The following ZNRF2 variants were observed in gnomAD, a reference collection of about 807,000 sequenced individuals.
ZNRF2 encodes zinc and ring finger 2, also known as E3 ubiquitin-protein ligase ZNRF2.
In ZNRF2, 16 loss-of-function variants were observed where a neutral mutation model predicts 20.4. That is an observed-to-expected ratio of 0.79 (90% CI 0.53 to 1.19). ZNRF2 has a LOEUF of 1.19. Among genes scored for constraint, ZNRF2 ranks in the 50% most tolerant of loss-of-function variants. The pLI is 0.00. For missense variants in ZNRF2, 363 were observed against 332.4 expected, an observed-to-expected ratio of 1.09 and a Z score of -0.72; for synonymous variants, 178 against 144.9, an observed-to-expected ratio of 1.23 and a Z score of -1.64.
At chr7:30,362,851 C>G (rs1360115587) in intron 4 of ZNRF2, among the ~76,000 whole-genome samples, 1 of 152,172 alleles carries the variant, frequency 6.6e-6, no homozygotes, top group Admixed American at 6.5e-5. Flanking sequence ...GGCATGGTGG[C>G]TCACACCTGT....
At chr7:30,362,219 A>G (rs912003922) in intron 3 of ZNRF2, among the ~76,000 whole-genome samples, 158 bp from the exon 4 acceptor site, 3 of 152,216 alleles carry the variant, frequency 2.0e-5, no homozygotes, top group African/African-American at 7.2e-5. Flanking sequence ...AAAATATAAT[A>G]AACATTCTTA....
chr7:30,362,227 T>G (rs994011001), intron 3 of ZNRF2, 150 bp from the exon 4 acceptor site: 4 of 463,610 alleles, frequency 8.6e-6, no homozygotes, highest in East Asian at 6.6e-5. Flanking sequence ...ATAAACATTC[T>G]TATCTGTTGC....
In ZNRF2 at chr7:30,305,216, G is replaced by A. The variant is rs141725535; in HGVS notation, c.470-18426G>A. Among the ~76,000 whole-genome samples, 46 of 152,178 alleles carry A rather than the reference G, an allele frequency of 3.0e-4. 1 individual carries two copies. The highest frequency in any genetic ancestry group is 9.4e-4 in the African/African-American group (39 of 41,522). On this transcript the variant is annotated intron_variant, in intron 1 of 4. Coordinates refer to ENST00000323037, the MANE Select transcript of ZNRF2 (RefSeq NM_147128.4). ...TACAAATCAGGATTTTTTTCCCCTGGAGAACAGTTGTTAAATATCTACCCG... is the reference window on the plus strand; with the variant it reads ...TACAAATCAGGATTTTTTTCCCCTGAAGAACAGTTGTTAAATATCTACCCG...
At chr7:30,326,355 T>G (rs1425819077) in intron 2 of ZNRF2, among the ~76,000 whole-genome samples, 2 of 152,238 alleles carry the variant, frequency 1.3e-5, no homozygotes, top group Non-Finnish European at 2.9e-5. Flanking sequence ...CTCTCATCAT[T>G]TAGCTCCCAC....
In ZNRF2 at chr7:30,323,745, C is replaced by G; in HGVS notation, c.565+8C>G. On this transcript the variant is annotated splice_region_variant and intron_variant, in intron 2 of 4. Transcript: ENST00000323037. ...CACGAATAACCTATAATGGTAAGTC[C>G]AATGGTTTAAAATAATATTTTAAGT... The G allele has an allele frequency of 1.4e-6, 2 of 1,473,830 alleles. No homozygotes were observed. The highest frequency in any genetic ancestry group is 1.8e-6 in the Non-Finnish European group (2 of 1,092,496). The allele number at this position is 1,473,830 out of a possible 1,614,324, so 91.3% of individuals were successfully genotyped here. A position where few individuals can be genotyped will look rare whatever the true frequency, so the allele number is the denominator to read the frequency against.
intron 1 of ZNRF2, among the ~76,000 whole-genome samples, chr7:30,293,787 A>G (rs1425158984): frequency 1.3e-5 from 2 of 152,200 alleles, no homozygotes; most frequent in African/African-American, 4.8e-5. Flanking sequence ...TATTTCATTC[A>G]GGGCTCTTTT....
intron 2 of ZNRF2, among the ~76,000 whole-genome samples, chr7:30,331,903 A>C (rs1439809384): frequency 1.3e-5 from 2 of 152,214 alleles, no homozygotes; most frequent in African/African-American, 4.8e-5. Context: ...CTTTATAAAG[A>C]TAATGGATCA....
chr7:30,324,837 G>C (rs535341149), intron 2 of ZNRF2, among the ~76,000 whole-genome samples: 1 of 152,274 alleles, frequency 6.6e-6, no homozygotes, highest in Non-Finnish European at 1.5e-5. Context: ...TAGAGTAAAT[G>C]AAGGGAACAT....
intron 1 of ZNRF2, among the ~76,000 whole-genome samples, chr7:30,321,383 G>A (rs116755072): frequency 0.011 from 1,642 of 152,132 alleles, 35 homozygotes; most frequent in African/African-American, 0.038. Flanking sequence ...GCTCCGTGCC[G>A]TTGATGCTTT....
intron 1 of ZNRF2, among the ~76,000 whole-genome samples, chr7:30,304,626 A>G (rs1189784295): frequency 6.6e-6 from 1 of 152,180 alleles, no homozygotes; most frequent in Non-Finnish European, 1.5e-5. Flanking sequence ...AAACTACCGA[A>G]AAGTATGAAT....
chr7:30,293,100 G>T (rs1798940734), intron 1 of ZNRF2, among the ~76,000 whole-genome samples: 1 of 152,112 alleles, frequency 6.6e-6, no homozygotes, highest in South Asian at 2.1e-4. Flanking sequence ...TTTGAAGATA[G>T]AGCCACCTGG....
At chr7:30,334,056 G>GT (rs746068111) in intron 2 of ZNRF2, among the ~76,000 whole-genome samples, 5 of 151,932 alleles carry the variant, frequency 3.3e-5, no homozygotes, top group South Asian at 2.1e-4. Context: ...CTTACTATAA[G>GT]TTTTTTTTGT....
At chr7:30,302,074 G>A (rs1294305360) in intron 1 of ZNRF2, among the ~76,000 whole-genome samples, 2 of 152,212 alleles carry the variant, frequency 1.3e-5, no homozygotes, top group Non-Finnish European at 2.9e-5. Context: ...GTCTGTTGAG[G>A]ACCAAATTGT....
At chr7:30,330,770 A>T (rs962794188) in intron 2 of ZNRF2, among the ~76,000 whole-genome samples, 1 of 135,742 alleles carries the variant, frequency 7.4e-6, no homozygotes, top group African/African-American at 3.1e-5. Context: ...AACTGAAGTT[A>T]AAAAAAAAAA....
intron 2 of ZNRF2, among the ~76,000 whole-genome samples, chr7:30,346,676 T>A (rs1305550318): frequency 6.6e-6 from 1 of 152,152 alleles, no homozygotes; most frequent in African/African-American, 2.4e-5. Flanking sequence ...TGCATCTATT[T>A]AAGTGTTTTT....
intron 3 of ZNRF2, among the ~76,000 whole-genome samples, chr7:30,360,892 A>G (rs1387837615): frequency 6.6e-6 from 1 of 152,234 alleles, no homozygotes; most frequent in African/African-American, 2.4e-5. Flanking sequence ...GAAGATGCCT[A>G]GAAATGAAAA....
intron 3 of ZNRF2, among the ~76,000 whole-genome samples, chr7:30,358,213 G>A (rs141132796): frequency 1.2e-4 from 19 of 152,198 alleles, no homozygotes; most frequent in African/African-American, 4.6e-4. Flanking sequence ...TGAGAGTTCA[G>A]CAGGGTTGCC....
intron 2 of ZNRF2, among the ~76,000 whole-genome samples, chr7:30,353,762 A>T (rs1345698884): frequency 6.6e-6 from 1 of 152,070 alleles, no homozygotes; most frequent in Non-Finnish European, 1.5e-5. Context: ...ACTTGGTGGT[A>T]TATAAAGCTA....
chr7:30,295,042 AGAGAGAGAGTGTGTGTGTGTGT>A (rs1336213022), intron 1 of ZNRF2, among the ~76,000 whole-genome samples: 201 of 114,984 alleles, frequency 1.7e-3, no homozygotes, highest in African/African-American at 8.0e-3. Flanking sequence ...AGAGAGAGAG[AGAGAGAGAGTGTGTGTGTGTGT>A]GTGTGTGTGT....
Sources: allele counts gnomAD v4.1 joint callset (sites outside exome capture counted in the v4.1 genomes callset), GRCh38; gene constraint gnomAD v4.1.1; transcripts MANE v1.5; gene names NCBI Gene and HGNC (gene_info 2026-07-23, HGNC 2026-07-21).